Variants in PCDHGA1 observed in about 807,000 individuals in gnomAD.
The protein encoded by PCDHGA1 is protocadherin gamma subfamily A, 1.
Under a neutral mutation model 58.0 loss-of-function variants are expected in PCDHGA1, and 32 were observed. The ratio of observed to expected loss-of-function variants is 0.55; its 90% CI spans 0.42 to 0.74. The LOEUF (loss-of-function observed/expected upper bound fraction) is 0.74, where lower values mean the gene tolerates loss of function less well. PCDHGA1 is among the 30% of genes least tolerant of loss of function. PCDHGA1 has a pLI of 0.00. For missense variants in PCDHGA1, 1,205 were observed against 1,182.3 expected (o/e 1.02, Z -0.28); for synonymous variants, 498 against 501.1 (o/e 0.99, Z 0.08).
intron 1 of PCDHGA1, chr5:141,478,355 G>A: frequency 6.2e-7 from 1 of 1,613,742 alleles, no homozygotes; most frequent in Non-Finnish European, 8.5e-7. Context: ...CGCGGACGCC[G>A]TGCGGGGAGG....
Position 141,490,849 on chromosome 5 carries a change from C to T in PCDHGA1, c.2422-3958C>T, listed in dbSNP as rs200640560. The stretch of plus-strand genomic sequence containing the variant: ...GATGCTGCAGATTGTGGTGGGGGTT[C>T]GAGACTCCGGCTCTCCCCCATTGCA... On this transcript the variant is annotated intron_variant, in intron 1 of 3. Coordinates refer to ENST00000517417, the MANE Select transcript of PCDHGA1 (RefSeq NM_018912.3). This position sits in a 1 kb window ranked among gnomAD's most constrained non-coding sequence, Gnocchi z 5.4. The T allele has an allele frequency of 1.3e-5, 21 of 1,613,748 alleles. No individual in the cohort carries two copies. Among genetic ancestry groups the T allele is most frequent in the Admixed American group, 1.7e-5 (1 of 60,022 alleles).
rs375487349 is a variant in PCDHGA1, at chr5:141,383,260, G to T, written c.2421+50155G>T. On this transcript the variant is annotated intron_variant, in intron 1 of 3. Transcript: ENST00000517417. ...TAAAATGAATCTTTACCCTATAGAC[G>T]TGGAAATAATAGATATTAATGACAA... is the stretch of plus-strand genomic sequence containing the variant. 2 of 1,613,782 alleles carry T rather than the reference G, an allele frequency of 1.2e-6. No homozygotes were observed. The highest frequency in any genetic ancestry group is 1.7e-6 in the Non-Finnish European group (2 of 1,179,874).
At chr5:141,405,027 A>G (rs1402992376) in intron 1 of PCDHGA1, 1 of 1,613,252 alleles carries the variant, frequency 6.2e-7, no homozygotes, top group Non-Finnish European at 8.5e-7. Context: ...CTTACCCTCT[A>G]CCTCGTTGTG....
intron 1 of PCDHGA1, chr5:141,411,445 G>A (rs926329934): frequency 1.3e-5 from 2 of 151,656 alleles, no homozygotes; most frequent in South Asian, 2.1e-4. Flanking sequence ...TTAGCAGAGT[G>A]TGGTAGCATT....
At chr5:141,427,889 G>C in intron 1 of PCDHGA1, 1 of 1,566,516 alleles carries the variant, frequency 6.4e-7, no homozygotes, top group South Asian at 1.1e-5. Flanking sequence ...CCCACGACCA[G>C]GGCTCGCCCG....
rs776923636 is a variant in PCDHGA1, at chr5:141,361,278, A to G, written c.2421+28173A>G. On this transcript the variant is annotated intron_variant, in intron 1 of 3. Coordinates refer to ENST00000517417, the MANE Select transcript of PCDHGA1 (RefSeq NM_018912.3). ...ACAGAGACTCTGGAGAAAATGGAGA[A>G]GTTTACTGCCAAGTGTTGGGAAATG... The G allele has an allele frequency of 1.4e-5, 23 of 1,613,896 alleles. No individual in the cohort carries two copies. In the South Asian group the frequency reaches 2.5e-4, roughly 18 times the overall value.
chr5:141,365,821 G>A (rs756787528), intron 1 of PCDHGA1: 1 of 1,613,908 alleles, frequency 6.2e-7, no homozygotes, highest in Non-Finnish European at 8.5e-7. Context: ...ACACATTTCA[G>A]GGGGCGCCCT....
Position 141,375,142 on chromosome 5 carries a change from C to A in PCDHGA1, c.2421+42037C>A, listed in dbSNP as rs772426422. The A allele has an allele frequency of 5.0e-6, 8 of 1,613,910 alleles. No homozygotes were observed. The Admixed American group carries it at 1.3e-4, about 27-fold the overall frequency. ...CAGAAGTGGTTGTTACATCTGGAAG[C>A]AGAACAATTGCTGAAAGTGCACCTC... On this transcript the variant is annotated intron_variant, in intron 1 of 3. Transcript: ENST00000517417.
At chr5:141,360,895 G>T in intron 1 of PCDHGA1, 3 of 1,614,046 alleles carry the variant, frequency 1.9e-6, no homozygotes, top group Non-Finnish European at 2.5e-6. Context: ...CCTGAGGGAG[G>T]ACGTGCCGCC....
intron 1 of PCDHGA1, chr5:141,338,796 G>A (rs910132969): frequency 2.7e-5 from 36 of 1,354,888 alleles, no homozygotes; most frequent in Non-Finnish European, 3.4e-5. Flanking sequence ...CAAGGGGGTG[G>A]AGGTTTGGCC....
At chr5:141,478,345 C>T (rs755421316) in intron 1 of PCDHGA1, 3 of 1,613,850 alleles carry the variant, frequency 1.9e-6, no homozygotes, top group East Asian at 4.5e-5. Context: ...CCTCCTTGCA[C>T]GCGGACGCCG....
At position 141,512,116 on chromosome 5, in the gene PCDHGA1, T is replaced by TTA. The variant is rs2099884085; in HGVS notation, c.*943_*944insTA. On this transcript the variant is annotated 3_prime_UTR_variant, in exon 4 of 4. Coordinates refer to ENST00000517417, the MANE Select transcript of PCDHGA1 (RefSeq NM_018912.3). ...ACTAGGCTGGACCCTTCCCACTACA[T>TTA]AATAGGGCTCAGCCCAGGCAGCCAG... 1 of 152,600 alleles carries TTA rather than the reference T, an allele frequency of 6.6e-6. No homozygotes were observed. The highest frequency in any genetic ancestry group is 2.1e-4 in the South Asian group (1 of 4,832). 9.5% of individuals were successfully genotyped at this position (152,600 alleles called of 1,614,324 possible).
At chr5:141,407,559 G>A (rs1210777840) in intron 1 of PCDHGA1, among the ~76,000 whole-genome samples, 1 of 151,834 alleles carries the variant, frequency 6.6e-6, no homozygotes, top group African/African-American at 2.4e-5. Context: ...TAGAACATAA[G>A]CTGAAAGATA....
intron 1 of PCDHGA1, among the ~76,000 whole-genome samples, chr5:141,349,039 A>G (rs549137287): frequency 6.6e-6 from 1 of 152,264 alleles, no homozygotes; most frequent in South Asian, 2.1e-4. Context: ...TTGCTCATTA[A>G]TGGTATAAGT....
chr5:141,472,852 G>A (rs1354948628), intron 1 of PCDHGA1, among the ~76,000 whole-genome samples: 1 of 151,160 alleles, frequency 6.6e-6, no homozygotes, highest in African/African-American at 2.4e-5. Flanking sequence ...TGGGCATGGT[G>A]GCACATGCCT....
intron 2 of PCDHGA1, 70 bp downstream of exon 2, chr5:141,494,935 G>T (rs1456805368): frequency 2.5e-6 from 4 of 1,612,364 alleles, no homozygotes; most frequent in African/African-American, 1.3e-5. Context: ...GGGAGGAGAT[G>T]GGGGAGGGCC....
At chr5:141,389,757 C>T in intron 1 of PCDHGA1, 2 of 1,612,818 alleles carry the variant, frequency 1.2e-6, no homozygotes, top group East Asian at 2.2e-5. Flanking sequence ...GGGCGAAGTG[C>T]GCACAGCGCG....
chr5:141,352,564 G>A (rs1356070450), intron 1 of PCDHGA1: 4 of 1,613,794 alleles, frequency 2.5e-6, no homozygotes, highest in African/African-American at 1.3e-5. Context: ...ACCTGACACC[G>A]GAAATGGCTC....
intron 1 of PCDHGA1, chr5:141,410,199 A>G: frequency 6.2e-7 from 1 of 1,613,998 alleles, no homozygotes; most frequent in South Asian, 1.1e-5. Flanking sequence ...GTCTTCGCAG[A>G]CAACTTGCAA....
Sources: gnomAD v4.1 joint callset for allele counts (sites outside exome capture counted in the v4.1 genomes callset) on GRCh38, gnomAD v4.1.1 for gene constraint, Gnocchi (gnomAD v3.1) non-coding constraint, MANE v1.5 for transcripts, NCBI Gene and HGNC (gene_info 2026-07-23, HGNC 2026-07-21) for gene names.